The following ANXA8 variants were observed in gnomAD, a reference collection of about 807,000 sequenced individuals.
The protein encoded by ANXA8 is VAC-beta.
Under a neutral mutation model 26.8 loss-of-function variants are expected in ANXA8, and 9 were observed. The ratio of observed to expected loss-of-function variants is 0.34; its 90% CI spans 0.20 to 0.59. The LOEUF (loss-of-function observed/expected upper bound fraction) is 0.59. Among genes scored for constraint, ANXA8 ranks in the 20% least tolerant of loss-of-function variants. The probability of loss-of-function intolerance (pLI) is 0.84; values close to 1 mark genes in which losing one functional copy is unlikely to be tolerated. For missense variants in ANXA8, 83 were observed against 238.5 expected (o/e 0.35, Z 4.29); for synonymous variants, 39 against 94.8 (o/e 0.41, Z 3.42).
At chr10:47,733,237 T>C in the ANXA8 span, among the ~76,000 whole-genome samples, 5,900 of 51,622 alleles carry the variant, frequency 0.11, 34 homozygotes, top group African/African-American at 0.17. Flanking sequence ...CTTTCTCTCT[T>C]TCTTTCTTTC....
chr10:47,894,555 CCT>C, the ANXA8 span, among the ~76,000 whole-genome samples: 1 of 145,400 alleles, frequency 6.9e-6, no homozygotes, highest in South Asian at 2.2e-4. Context: ...AATATACCCC[CCT>C]CACACACCAC....
At chr10:47,616,836 A>G in the ANXA8 span, among the ~76,000 whole-genome samples, 2 of 70,420 alleles carry the variant, frequency 2.8e-5, 1 homozygote, top group East Asian at 5.4e-4. Flanking sequence ...CACTTTCTAT[A>G]TGATAATTCT....
At chr10:47,563,955 A>G in the ANXA8 span, among the ~76,000 whole-genome samples, 2 of 149,156 alleles carry the variant, frequency 1.3e-5, no homozygotes, top group African/African-American at 5.0e-5. Context: ...ATAAGACCAA[A>G]TTATAGTAGA....
chr10:47,674,577 T>C, the ANXA8 span, among the ~76,000 whole-genome samples: 6 of 151,624 alleles, frequency 4.0e-5, no homozygotes, highest in Non-Finnish European at 5.9e-5. Flanking sequence ...GTTTACATAC[T>C]GTACTCTTTG....
the ANXA8 span, among the ~76,000 whole-genome samples, chr10:47,590,554 C>A: frequency 6.8e-6 from 1 of 146,436 alleles, no homozygotes; most frequent in South Asian, 2.1e-4. Flanking sequence ...AGGTTCCCTG[C>A]ATTGCAGCTG....
chr10:47,982,834 A>ATATATATATG, the ANXA8 span, among the ~76,000 whole-genome samples: 1 of 67,622 alleles, frequency 1.5e-5, no homozygotes, highest in African/African-American at 5.1e-5. Context: ...ATATATATAT[A>ATATATATATG]AAATTTGATA....
the ANXA8 span, among the ~76,000 whole-genome samples, chr10:47,660,808 C>CAAAAA: frequency 1.6e-5 from 1 of 61,012 alleles, no homozygotes; most frequent in East Asian, 6.0e-4. Context: ...CACTGACTGT[C>CAAAAA]AAAAAAAAAA....
the ANXA8 span, among the ~76,000 whole-genome samples, chr10:47,578,029 T>C: frequency 2.3e-5 from 1 of 44,088 alleles, no homozygotes; most frequent in Non-Finnish European, 5.5e-5. Flanking sequence ...AGAAAAAGAA[T>C]GCTTGGCTGG....
chr10:47,733,421 T>C, the ANXA8 span, among the ~76,000 whole-genome samples: 1 of 130,542 alleles, frequency 7.7e-6, no homozygotes, highest in Non-Finnish European at 1.6e-5. Context: ...TTCACAGTGA[T>C]TATGAATTTA....
At chr10:47,940,673 C>T in the ANXA8 span, among the ~76,000 whole-genome samples, 2 of 147,566 alleles carry the variant, frequency 1.4e-5, no homozygotes, top group Non-Finnish European at 3.0e-5. Context: ...ACTACAAATA[C>T]AAAAAATTAG....
At chr10:47,913,915 G>A in the ANXA8 span, among the ~76,000 whole-genome samples, 1 of 88,696 alleles carries the variant, frequency 1.1e-5, no homozygotes, top group Non-Finnish European at 2.3e-5. Flanking sequence ...TCCCACCCAT[G>A]GAACATTTTA....
chr10:47,495,810 T>C, the ANXA8 span, among the ~76,000 whole-genome samples: 1 of 150,770 alleles, frequency 6.6e-6, no homozygotes, highest in Non-Finnish European at 1.5e-5. Flanking sequence ...GCCAGGGAAG[T>C]GCAGAAGAAC....
chr10:47,491,818 G>A, the ANXA8 span: 3 of 687,758 alleles, frequency 4.4e-6, no homozygotes, highest in Non-Finnish European at 5.0e-6. Flanking sequence ...AGTCAGTGAG[G>A]GCGGCAGCAG....
the ANXA8 span, among the ~76,000 whole-genome samples, chr10:47,955,851 AT>A: frequency 8.5e-5 from 12 of 142,004 alleles, no homozygotes; most frequent in African/African-American, 3.1e-4. Context: ...TATCAACTTT[AT>A]TTTTTTAACT....
chr10:47,907,249 T>C, the ANXA8 span, among the ~76,000 whole-genome samples: 105 of 151,494 alleles, frequency 6.9e-4, no homozygotes, highest in African/African-American at 2.5e-3. Context: ...CCCAGCTACT[T>C]GGGAGGCTGA....
At chr10:47,639,320 T>TATTATTA in the ANXA8 span, among the ~76,000 whole-genome samples, 67 of 96,282 alleles carry the variant, frequency 7.0e-4, no homozygotes, top group East Asian at 0.015. Context: ...TATTATTTTT[T>TATTATTA]TTTTTTTTTT....
chr10:47,936,929 G>C, the ANXA8 span, among the ~76,000 whole-genome samples: 2 of 151,162 alleles, frequency 1.3e-5, no homozygotes, highest in Non-Finnish European at 3.0e-5. Flanking sequence ...GTTTGCTCAA[G>C]GAGTTTGCGG....
chr10:47,560,718 G>A, the ANXA8 span, among the ~76,000 whole-genome samples: 35 of 151,976 alleles, frequency 2.3e-4, no homozygotes, highest in African/African-American at 7.5e-4. Flanking sequence ...TGGGCACAGC[G>A]CCTGACTATT....
chr10:47,987,103 G>A, the ANXA8 span: 2 of 432,518 alleles, frequency 4.6e-6, no homozygotes, highest in South Asian at 3.5e-5. Context: ...GGTTTTCCCA[G>A]GGGACAAGTC....
Sources: gnomAD v4.1 joint callset for allele counts (sites outside exome capture counted in the v4.1 genomes callset) on GRCh38, gnomAD v4.1.1 for gene constraint, MANE v1.5 for transcripts, NCBI Gene and HGNC (gene_info 2026-07-23, HGNC 2026-07-21) for gene names.